PTER: variants seen among roughly 807,000 people sequenced by gnomAD.
PTER encodes N-acetyltaurine hydrolase.
PTER carries 38 observed loss-of-function variants against 29.6 expected under a neutral mutation model. The observed-to-expected ratio is 1.28, with a 90% CI of 0.99 to 1.68. PTER has a LOEUF of 1.68. Ranked by LOEUF, PTER falls within the 40% of genes most tolerant of loss-of-function variation. The pLI is 0.00. For synonymous variants in PTER, 172 were observed against 154.5 expected (o/e 1.11, Z -0.84); for missense variants, 482 against 427.8 (o/e 1.13, Z -1.12).
At chr10:16,459,225 T>C (rs1490295812) in intron 1 of PTER, among the ~76,000 whole-genome samples, 1 of 152,186 alleles carries the variant, frequency 6.6e-6, no homozygotes, top group Non-Finnish European at 1.5e-5. Context: ...GAGATTCCAG[T>C]TGATAAGTTT....
chr10:16,516,909 C>T (rs368397905), downstream of PTER, among the ~76,000 whole-genome samples: 6 of 152,222 alleles, frequency 3.9e-5, no homozygotes, highest in Non-Finnish European at 8.8e-5. Context: ...TATACTGTAC[C>T]GTAAGACTGT....
At chr10:16,495,819 G>A (rs3898395) in intron 3 of PTER, among the ~76,000 whole-genome samples, 1 of 151,866 alleles carries the variant, frequency 6.6e-6, no homozygotes, top group African/African-American at 2.4e-5. Context: ...CTGCATTGTG[G>A]GTCACTTTAA....
chr10:16,457,734 G>T (rs1220158206), intron 1 of PTER, among the ~76,000 whole-genome samples: 3 of 151,906 alleles, frequency 2.0e-5, no homozygotes, highest in Non-Finnish European at 4.4e-5. Flanking sequence ...CCAGAAACTG[G>T]CACTACAGGT....
intron 1 of PTER, among the ~76,000 whole-genome samples, chr10:16,465,621 G>T (rs1222045570): frequency 2.0e-5 from 3 of 152,084 alleles, no homozygotes; most frequent in Non-Finnish European, 4.4e-5. Flanking sequence ...GGAACTGAAG[G>T]GTGGATAGAA....
At chr10:16,474,516 A>G (rs1439817841) in intron 1 of PTER, among the ~76,000 whole-genome samples, 1 of 152,104 alleles carries the variant, frequency 6.6e-6, no homozygotes, top group Admixed American at 6.6e-5. Flanking sequence ...TATTTTGAAT[A>G]CCTACTGCTG....
rs142960728 is a variant in PTER, at chr10:16,484,796, A to G, written c.412A>G (p.Arg138Gly). 1.7e-5 allele frequency: 27 copies of G among 1,607,348 alleles called. No individual in the cohort carries two copies. In the African/African-American group the frequency reaches 3.6e-4, roughly 22 times the overall value. ...YVDATHSSET[R>G]AMSVEQLTDV... is the part of the protein sequence containing the mutation. ...GGATGCAACTCACTCCTCAGAGACC[A>G]GGGCCATGTCAGTGGAGCAGGTAAA... Residue 138 changes from arginine (R) to glycine (G), a missense_variant, in exon 2 of 5, where the codon AGG becomes GGG. By Grantham distance (125) the Arg-to-Gly change is moderately radical. Coordinates refer to ENST00000535784, the MANE Select transcript of PTER (RefSeq NM_001261836.2).
chr10:16,514,274 C>T (rs907019830), downstream of PTER: 1 of 545,784 alleles, frequency 1.8e-6, no homozygotes, highest in Non-Finnish European at 3.2e-6. Context: ...TATAGGACTT[C>T]ATTCACATGG....
intron 3 of PTER, among the ~76,000 whole-genome samples, chr10:16,491,166 G>A (rs1835885353): frequency 6.6e-6 from 1 of 152,112 alleles, no homozygotes; most frequent in Admixed American, 6.5e-5. Flanking sequence ...CATCGCTAGA[G>A]CAGCCATCCA....
chr10:16,443,154 C>A (rs1041576286), intron 1 of PTER, among the ~76,000 whole-genome samples: 2 of 152,134 alleles, frequency 1.3e-5, no homozygotes, highest in African/African-American at 4.8e-5. Flanking sequence ...ACAGCTCTGG[C>A]AGCTGGAAGT....
intron 1 of PTER, among the ~76,000 whole-genome samples, chr10:16,451,620 G>A (rs2133374128): frequency 6.6e-6 from 1 of 152,308 alleles, no homozygotes; most frequent in African/African-American, 2.4e-5. Flanking sequence ...GCTGAGGCAG[G>A]AGAATCACTT....
At chr10:16,492,729 C>G (rs779568766) in intron 3 of PTER, among the ~76,000 whole-genome samples, 8 of 152,168 alleles carry the variant, frequency 5.3e-5, no homozygotes, top group African/African-American at 1.9e-4. Flanking sequence ...AGCCAAAGGG[C>G]TTTGATAGAA....
At chr10:16,455,238 CA>C (rs373512547) in intron 1 of PTER, among the ~76,000 whole-genome samples, 174 of 145,766 alleles carry the variant, frequency 1.2e-3, no homozygotes, top group Non-Finnish European at 2.2e-3. Flanking sequence ...CAAAACAAAA[CA>C]AAAAAAAAAT....
At chr10:16,474,959 G>T (rs10904746) in intron 1 of PTER, among the ~76,000 whole-genome samples, 42,561 of 152,104 alleles carry the variant, frequency 0.28, 6,281 homozygotes, top group Middle Eastern at 0.46. Flanking sequence ...AGCCCTGGCA[G>T]ATTTGGTGTC....
chr10:16,450,579 C>T (rs1052770582), intron 1 of PTER, among the ~76,000 whole-genome samples: 3 of 152,130 alleles, frequency 2.0e-5, no homozygotes, highest in Non-Finnish European at 2.9e-5. Context: ...ACTGAGCATC[C>T]ACCTTTCATT....
At chr10:16,479,002 C>T (rs142673823) in intron 1 of PTER, among the ~76,000 whole-genome samples, 1,729 of 152,116 alleles carry the variant, frequency 0.011, 30 homozygotes, top group African/African-American at 0.04. Flanking sequence ...CTGTCACTTC[C>T]TGGGTTCGTC....
chr10:16,501,968 A>G (rs992148449), intron 3 of PTER, among the ~76,000 whole-genome samples: 1 of 152,248 alleles, frequency 6.6e-6, no homozygotes, highest in Non-Finnish European at 1.5e-5. Context: ...CAGCATGATG[A>G]TAATGATGCT....
At chr10:16,477,304 A>ATGTCTGTC (rs58626455) in intron 1 of PTER, among the ~76,000 whole-genome samples, 1 of 151,474 alleles carries the variant, frequency 6.6e-6, no homozygotes, top group African/African-American at 2.4e-5. Context: ...AGATAGATGG[A>ATGTCTGTC]TGTCTGTCTG....
At chr10:16,486,872 A>C (rs1835722744) in intron 3 of PTER, 1 of 412,058 alleles carries the variant, frequency 2.4e-6, no homozygotes, top group Non-Finnish European at 4.3e-6. Context: ...ATTTCCTTTA[A>C]TTTACTCAAT....
intron 3 of PTER, 186 bp downstream of exon 3, chr10:16,486,803 TC>T (rs1282702509): frequency 1.5e-6 from 1 of 653,124 alleles, no homozygotes. Context: ...CATTTTTGTG[TC>T]CCTCCTCTGT....
Sources: allele counts gnomAD v4.1 joint callset (sites outside exome capture counted in the v4.1 genomes callset), GRCh38; gene constraint gnomAD v4.1.1; transcripts MANE v1.5; gene names NCBI Gene and HGNC (gene_info 2026-07-23, HGNC 2026-07-21).